ROBO2: variants seen among roughly 807,000 people sequenced by gnomAD.
ROBO2 encodes the protein roundabout guidance receptor 2, also known as roundabout homolog 2.
In ROBO2, 53 loss-of-function variants were observed where a neutral mutation model predicts 160.8. That is an observed-to-expected ratio of 0.33 (90% CI 0.26 to 0.41). The LOEUF is 0.41. ROBO2 is among the 10% of genes least tolerant of loss of function. The probability of loss-of-function intolerance (pLI) is 1.00; values close to 1 mark genes in which losing one functional copy is unlikely to be tolerated. For synonymous variants in ROBO2, 664 were observed against 611.7 expected (o/e 1.09, Z -1.26); for missense variants, 1,577 against 1,722.4 (o/e 0.92, Z 1.49).
chr3:77,545,615 A>G (rs531891249), intron 6 of ROBO2, among the ~76,000 whole-genome samples: 1 of 152,188 alleles, frequency 6.6e-6, no homozygotes, highest in East Asian at 1.9e-4. Flanking sequence ...CTTAGACTCT[A>G]AGCTCTTTGA....
At chr3:76,869,901 C>G (rs1247946106) in intron 2 of ROBO2, among the ~76,000 whole-genome samples, 1 of 152,046 alleles carries the variant, frequency 6.6e-6, no homozygotes, top group Non-Finnish European at 1.5e-5. Context: ...TTTAACAATT[C>G]TCATCCTCCC....
chr3:77,246,108 A>C (rs1454942431), intron 2 of ROBO2, among the ~76,000 whole-genome samples: 1 of 152,192 alleles, frequency 6.6e-6, no homozygotes, highest in African/African-American at 2.4e-5. Context: ...TGTAGACAAA[A>C]TCAATAATTT....
At chr3:76,147,643 G>T (rs1193909067) in intron 2 of ROBO2, among the ~76,000 whole-genome samples, 1 of 151,996 alleles carries the variant, frequency 6.6e-6, no homozygotes, top group African/African-American at 2.4e-5. Flanking sequence ...AATACACTGA[G>T]ACAGCAGGTT....
chr3:76,056,046 CAAGTGCTGATTGA>C (rs2067834025), intron 2 of ROBO2, among the ~76,000 whole-genome samples: 1 of 151,874 alleles, frequency 6.6e-6, no homozygotes. Context: ...TGGATTCAAC[CAAGTGCTGATTGA>C]AAATAGTTGA....
intron 2 of ROBO2, among the ~76,000 whole-genome samples, chr3:76,729,707 A>G (rs1177344068): frequency 6.8e-6 from 1 of 147,544 alleles, no homozygotes; most frequent in Non-Finnish European, 1.5e-5. Context: ...GTTAAATCTC[A>G]GCTCCCTGCA....
rs57758653 is a variant in ROBO2, at chr3:76,607,486, G to A, written c.110-490528G>A. Among the ~76,000 whole-genome samples the A allele has an allele frequency of 3.0e-3, 464 of 152,232 alleles. 1 individual carries two copies. The highest frequency in any genetic ancestry group is 0.025 in the South Asian group (121 of 4,830). The stretch of plus-strand genomic sequence containing the variant: ...TTTATGCTGAAATAGTTACTTGTTT[G>A]TAAAGGTTTATTCTAGAGTTGTACT... On this transcript the variant is annotated intron_variant, in intron 2 of 26. Coordinates refer to the ROBO2 transcript ENST00000487694.
chr3:76,253,159 GA>G (rs1249681126), intron 2 of ROBO2, among the ~76,000 whole-genome samples: 1 of 152,068 alleles, frequency 6.6e-6, no homozygotes, highest in East Asian at 1.9e-4. Context: ...CTCTTTTACA[GA>G]TGCATGTGTG....
chr3:76,186,633 C>T (rs62268956), intron 2 of ROBO2, among the ~76,000 whole-genome samples: 148,351 of 152,166 alleles, frequency 0.97, 72,433 homozygotes, highest in East Asian at 1. Flanking sequence ...TCCAAATCAT[C>T]CCCATAAGTA....
At chr3:76,455,674 G>A (rs757317689) in intron 2 of ROBO2, among the ~76,000 whole-genome samples, 13 of 152,060 alleles carry the variant, frequency 8.5e-5, no homozygotes, top group Non-Finnish European at 1.6e-4. Flanking sequence ...TAAAATTCCT[G>A]TACTTTTATT....
At chr3:77,616,908 G>A (rs1334056632) in intron 21 of ROBO2, among the ~76,000 whole-genome samples, 2 of 152,052 alleles carry the variant, frequency 1.3e-5, no homozygotes, top group African/African-American at 4.8e-5. Context: ...TTATTTTATA[G>A]GGCAAGGTTT....
At chr3:76,130,030 A>C (rs2071165331) in intron 2 of ROBO2, among the ~76,000 whole-genome samples, 2 of 152,204 alleles carry the variant, frequency 1.3e-5, no homozygotes, top group Admixed American at 6.6e-5. Context: ...GAATATATTT[A>C]AGACAGTGAA....
chr3:77,507,298 C>A (rs1299203495), intron 5 of ROBO2, among the ~76,000 whole-genome samples: 3 of 152,152 alleles, frequency 2.0e-5, no homozygotes, highest in African/African-American at 7.2e-5. Flanking sequence ...CTGAACATCC[C>A]TCTGATAATG....
intron 2 of ROBO2, among the ~76,000 whole-genome samples, chr3:76,066,696 C>T (rs1234823175): frequency 2.0e-5 from 3 of 151,804 alleles, no homozygotes; most frequent in African/African-American, 4.8e-5. Context: ...GTTAGACTGA[C>T]AAAGAAATGA....
rs565695183 is a variant in ROBO2, at chr3:76,370,162, A to C, written c.109+432560A>C. On this transcript the variant is annotated intron_variant, in intron 2 of 26. Transcript: ENST00000487694. ...TGTGTATACCTACTGGGTAGCAATA[A>C]ATTTTTCTTTTTTTTTGGTTCCAGA... is the stretch of plus-strand genomic sequence containing the variant. Among the ~76,000 whole-genome samples, 402 of 151,996 alleles carry C rather than the reference A, an allele frequency of 2.6e-3. 1 individual carries two copies. Among genetic ancestry groups the C allele is most frequent in the Non-Finnish European group, 3.7e-3 (251 of 67,902 alleles).
At chr3:76,215,371 G>A (rs1703439665) in intron 2 of ROBO2, among the ~76,000 whole-genome samples, 1 of 152,144 alleles carries the variant, frequency 6.6e-6, no homozygotes, top group South Asian at 2.1e-4. Flanking sequence ...CCGATCTAAA[G>A]GAGGAAGTTC....
chr3:77,553,072 C>A (rs1010657219), intron 8 of ROBO2, among the ~76,000 whole-genome samples: 8 of 151,856 alleles, frequency 5.3e-5, no homozygotes, highest in African/African-American at 1.7e-4. Context: ...TTTATGGCAA[C>A]CCTGGGTCAA....
rs73840985 is a variant in ROBO2, at chr3:76,424,074, A to G, written c.109+486472A>G. 4.0e-3 allele frequency among the ~76,000 whole-genome samples: 603 copies of G among 152,320 alleles called. 6 individuals are homozygous for G. The highest frequency in any genetic ancestry group is 0.014 in the African/African-American group (566 of 41,564). On this transcript the variant is annotated intron_variant, in intron 2 of 26. Transcript: ENST00000487694. ...AAAAGATTACATTTCTATTTTCACT[A>G]TCTTTAATATTTAGCACTTCTTTTA...
chr3:77,030,688 C>G (rs1014398205), intron 2 of ROBO2, among the ~76,000 whole-genome samples: 1 of 152,144 alleles, frequency 6.6e-6, no homozygotes, highest in African/African-American at 2.4e-5. Context: ...CAGCTTGTAG[C>G]AATATACTGC....
intron 2 of ROBO2, among the ~76,000 whole-genome samples, chr3:76,747,804 T>C (rs546469170): frequency 6.6e-6 from 1 of 152,032 alleles, no homozygotes; most frequent in East Asian, 1.9e-4. Flanking sequence ...TTTAAAAAAA[T>C]AGTTGAATTC....
Sources: allele counts gnomAD v4.1 joint callset (sites outside exome capture counted in the v4.1 genomes callset), GRCh38; gene constraint gnomAD v4.1.1; transcripts MANE v1.5; gene names NCBI Gene and HGNC (gene_info 2026-07-23, HGNC 2026-07-21).